BEND3: variants seen among roughly 807,000 people sequenced by gnomAD.
The protein encoded by BEND3 is BEN domain-containing protein 3.
A neutral mutation model predicts 60.1 loss-of-function variants in BEND3; 13 were observed. That is an observed-to-expected ratio of 0.22 (90% CI 0.14 to 0.34). BEND3 has a LOEUF of 0.34. BEND3 is among the 10% of genes least tolerant of loss of function. The pLI, the probability that BEND3 is intolerant of heterozygous loss-of-function variation, is 1.00. For synonymous variants in BEND3, 497 were observed against 491.5 expected, an observed-to-expected ratio of 1.01 and a Z score of -0.15; for missense variants, 896 against 1,138.1, an observed-to-expected ratio of 0.79 and a Z score of 3.06.
chr6:107,109,954 C>T (rs1201852524), intron 1 of BEND3, among the ~76,000 whole-genome samples: 1 of 151,792 alleles, frequency 6.6e-6, no homozygotes, highest in Non-Finnish European at 1.5e-5. Flanking sequence ...TCGTTTGAGC[C>T]CAGGAGGTTG....
intron 3 of BEND3, 43 bp downstream of exon 3, chr6:107,098,508 G>A: frequency 6.3e-7 from 1 of 1,589,188 alleles, no homozygotes. Flanking sequence ...GAATCAGAGA[G>A]GGTTAGAGCC....
intron 3 of BEND3, among the ~76,000 whole-genome samples, chr6:107,094,575 C>T (rs1244703590): frequency 2.0e-5 from 3 of 151,580 alleles, no homozygotes; most frequent in Admixed American, 6.6e-5. Context: ...GAGCTGAGAT[C>T]GCGCCATTGC....
In BEND3 at chr6:107,110,038, A is replaced by G. The variant is rs574887149; in HGVS notation, c.-12+5052T>C. On this transcript the variant is annotated intron_variant, in intron 1 of 3. Transcript: ENST00000369042. ...AGAGTGAGACCCTGACTCAAAAAAA[A>G]AAAAAAAAAAGGAAGCTGGGCACAG... 3.7e-3 allele frequency among the ~76,000 whole-genome samples: 490 copies of G among 131,910 alleles called. 4 individuals are homozygous for G. Among genetic ancestry groups the G allele is most frequent in the African/African-American group, 0.013 (473 of 37,776 alleles). 86.5% of individuals were successfully genotyped at this position (131,910 alleles called of 152,430 possible). A position where few individuals can be genotyped will look rare whatever the true frequency, so the allele number is the denominator to read the frequency against.
In BEND3 at chr6:107,098,696, C is replaced by G. The variant is rs1554236371; in HGVS notation, c.95G>C (p.Cys32Ser). Residue 32 changes from cysteine to serine, a missense_variant, in exon 3 of 4, where the codon TGC (cysteine) becomes TCC (serine). Cys to Ser is a moderately radical substitution (Grantham distance 112, BLOSUM62 -1). This residue lies in a region of BEND3 where 846 missense variants were observed against 1,036.7 expected (regional missense o/e 0.82). Transcript: ENST00000369042. ...ETEAEDAALD[C>S]SVNSRTSEKH... ...CTCAGAAGTCCTGGAATTCACGGAG[C>G]AGTCCAGAGCAGCATCTTCAGCCTC... 1 of 1,613,976 alleles carries G rather than the reference C, an allele frequency of 6.2e-7. No homozygotes were observed. The highest frequency in any genetic ancestry group is 8.5e-7 in the Non-Finnish European group (1 of 1,180,040).
chr6:107,093,550 G>A (rs1398752025), intron 3 of BEND3, among the ~76,000 whole-genome samples: 1 of 151,914 alleles, frequency 6.6e-6, no homozygotes, highest in African/African-American at 2.4e-5. Context: ...AGACAGGGTG[G>A]TACTGGGGCA....
At chr6:107,089,844 C>T (rs1252542949) in intron 3 of BEND3, among the ~76,000 whole-genome samples, 1 of 151,446 alleles carries the variant, frequency 6.6e-6, no homozygotes, top group Non-Finnish European at 1.5e-5. Context: ...ATTCACTCAC[C>T]TCAGCCTCCC....
Position 107,068,489 on chromosome 6 carries a change from T to G in BEND3, c.*215A>C. 1.8e-6 allele frequency: 1 copy of G among 568,262 alleles called. No individual in the cohort carries two copies. The highest frequency in any genetic ancestry group is 3.0e-6 in the Non-Finnish European group (1 of 330,688). The allele number at this position is 568,262 out of a possible 1,614,324, so 35.2% of individuals were successfully genotyped here. On this transcript the variant is annotated 3_prime_UTR_variant, in exon 4 of 4. Coordinates refer to ENST00000369042, the MANE Select transcript of BEND3 (RefSeq NM_001367314.1). The surrounding 1 kb of genome is among the most constrained non-coding windows in gnomAD (Gnocchi z 5.8). ...ACTCAGGCTGCCCCGCCGGGGCACATAGGACAGAAGTTGTAAGTACAAGAG... is the reference window on the plus strand; with the variant it reads ...ACTCAGGCTGCCCCGCCGGGGCACAGAGGACAGAAGTTGTAAGTACAAGAG...
At position 107,069,132 on chromosome 6, in the gene BEND3, G is replaced by T. The variant is rs782606595; in HGVS notation, c.2059C>A (p.Pro687Thr). The T allele has an allele frequency of 2.5e-6, 4 of 1,612,618 alleles. No homozygotes were observed. The African/African-American group carries it at 4.0e-5, about 16-fold the overall frequency. ...CTGCTCCTCTCGGGGGGCAGTGGGG[G>T]CCCCTCAAACTCCTCCCGGAACCTC... ...PERFREEFEG[P>T]PLPPERSSKD... Residue 687 changes from proline (P) to threonine (T), a missense_variant, in exon 4 of 4, where the codon CCC (proline) becomes ACC (threonine). This residue lies in a region of BEND3 where 846 missense variants were observed against 1,036.7 expected (regional missense o/e 0.82). Transcript: ENST00000369042.
At chr6:107,071,674 T>C (rs1774985160) in intron 3 of BEND3, among the ~76,000 whole-genome samples, 1 of 152,238 alleles carries the variant, frequency 6.6e-6, no homozygotes, top group African/African-American at 2.4e-5. Flanking sequence ...AACTATGTTA[T>C]ATTCATACAA....
chr6:107,114,029 C>CGA (rs1291719951), intron 1 of BEND3: 1 of 152,268 alleles, frequency 6.6e-6, no homozygotes, highest in African/African-American at 2.4e-5. Context: ...TCCCGGCACT[C>CGA]TTGTCGAGTT....
rs558526041 is a variant in BEND3, at chr6:107,066,942, T to TAA, written c.*1761_*1762insTT. 7.9e-5 allele frequency: 12 copies of TAA among 152,378 alleles called. No individual in the cohort carries two copies. In the East Asian group the frequency reaches 1.5e-3, roughly 20 times the overall value. 9.4% of individuals were successfully genotyped at this position (152,378 alleles called of 1,614,324 possible). A position where few individuals can be genotyped will look rare whatever the true frequency, so the allele number is the denominator to read the frequency against. ...TCTCACTTCAGCTTTTAGTAAGCAG[T>TAA]GCGTGTGTGCATGAGTAGCTGTGTA... On this transcript the variant is annotated 3_prime_UTR_variant, in exon 4 of 4. Transcript: ENST00000369042.
intron 1 of BEND3, among the ~76,000 whole-genome samples, chr6:107,107,400 T>C (rs1775839385): frequency 6.6e-6 from 1 of 150,954 alleles, no homozygotes; most frequent in Admixed American, 6.7e-5. Context: ...CACATAGCAC[T>C]CAAAGTTACC....
At chr6:107,080,570 C>G (rs2062582559) in intron 3 of BEND3, among the ~76,000 whole-genome samples, 1 of 151,962 alleles carries the variant, frequency 6.6e-6, no homozygotes, top group African/African-American at 2.4e-5. Flanking sequence ...TTTCATAAAA[C>G]AGATGGATTG....
At position 107,095,586 on chromosome 6, in the gene BEND3, T is replaced by C. The variant is rs150386017; in HGVS notation, c.240+2965A>G. ...AAACTTATGTCCACATGAAAACCTA[T>C]ACATGGATGTTTATAGCAGCATTAT... On this transcript the variant is annotated intron_variant, in intron 3 of 3. Transcript: ENST00000369042. 6.0e-3 allele frequency among the ~76,000 whole-genome samples: 916 copies of C among 152,274 alleles called. 5 individuals are homozygous for C. The highest frequency in any genetic ancestry group is 0.02 in the African/African-American group (828 of 41,544).
At chr6:107,101,348 A>C (rs1245915978) in intron 1 of BEND3, among the ~76,000 whole-genome samples, 3 of 152,148 alleles carry the variant, frequency 2.0e-5, no homozygotes, top group African/African-American at 7.2e-5. Context: ...CAAGAGGGAG[A>C]GTGTGTCTGG....
rs1204872581 is a variant in BEND3 at position 107,109,101 on chromosome 6, C to T, written c.-12+5989G>A. 5.3e-5 allele frequency among the ~76,000 whole-genome samples: 8 copies of T among 152,106 alleles called. No homozygotes were observed. The East Asian group carries it at 1.6e-3, about 30-fold the overall frequency. The stretch of plus-strand genomic sequence containing the variant: ...GATTACAGGTATGAGCCACCACATC[C>T]AGCCAAGAGGGCTGACTTTAAATAC... On this transcript the variant is annotated intron_variant, in intron 1 of 3. Coordinates refer to ENST00000369042, the MANE Select transcript of BEND3 (RefSeq NM_001367314.1).
At chr6:107,109,018 C>A (rs1308549017) in intron 1 of BEND3, among the ~76,000 whole-genome samples, 2 of 151,962 alleles carry the variant, frequency 1.3e-5, no homozygotes, top group Non-Finnish European at 2.9e-5. Flanking sequence ...GTTGGCCAGG[C>A]TGGTCTCGAA....
chr6:107,113,150 C>G (rs1380389873), intron 1 of BEND3, among the ~76,000 whole-genome samples: 4 of 135,654 alleles, frequency 2.9e-5, no homozygotes, highest in African/African-American at 1.1e-4. Flanking sequence ...GAGCGAGACT[C>G]TGTCTAAAAA....
In BEND3 at chr6:107,115,511, G is replaced by T. The variant is rs1450121620; in HGVS notation, c.-433C>A. 6.8e-6 allele frequency among the ~76,000 whole-genome samples: 1 copy of T among 146,894 alleles called. No individual in the cohort carries two copies. Among genetic ancestry groups the T allele is most frequent in the African/African-American group, 2.4e-5 (1 of 40,826 alleles). On this transcript the variant is annotated 5_prime_UTR_variant, in exon 1 of 4. Transcript: ENST00000369042. The stretch of plus-strand genomic sequence containing the variant: ...AGGCGGCCCGGCGCGCTCGGCCAGC[G>T]CAGTGGCTCCACGTGGGCCCGCGCT...
Sources: allele counts gnomAD v4.1 joint callset (sites outside exome capture counted in the v4.1 genomes callset), GRCh38; gene constraint gnomAD v4.1.1; regional missense constraint gnomAD v4.1.1; non-coding constraint Gnocchi (gnomAD v3.1); transcripts MANE v1.5; gene names NCBI Gene and HGNC (gene_info 2026-07-23, HGNC 2026-07-21).